HERC2: variants seen among roughly 807,000 people sequenced by gnomAD.
The protein encoded by HERC2 is HECT and RLD domain containing E3 ubiquitin protein ligase 2, also known as E3 ubiquitin-protein ligase HERC2.
A neutral mutation model predicts 537.7 loss-of-function variants in HERC2; 102 were observed. The observed-to-expected ratio is 0.19, with a 90% confidence interval of 0.16 to 0.22. The LOEUF (loss-of-function observed/expected upper bound fraction) is 0.22, where lower values mean the gene tolerates loss of function less well. Among genes scored for constraint, HERC2 ranks in the 10% least tolerant of loss-of-function variants. The pLI is 1.00. For synonymous variants in HERC2, 2,224 were observed against 2,466.2 expected, an observed-to-expected ratio of 0.90 and a Z score of 2.91; for missense variants, 4,236 against 6,198.2, an observed-to-expected ratio of 0.68 and a Z score of 10.63.
chr15:28,154,916 T>G, intron 69 of HERC2, among the ~76,000 whole-genome samples: 1 of 85,128 alleles, frequency 1.2e-5, no homozygotes, highest in Non-Finnish European at 2.1e-5. Context: ...CCCTCCCCCC[T>G]CCCCCCACCC....
At chr15:28,169,778 G>A (rs964677374) in intron 65 of HERC2, 123 bp from the exon 66 acceptor site, 2 of 838,952 alleles carry the variant, frequency 2.4e-6, no homozygotes, top group Non-Finnish European at 3.7e-6. Flanking sequence ...ATTTCACAAA[G>A]CACCTATCAG....
intron 57 of HERC2, among the ~76,000 whole-genome samples, chr15:28,179,667 G>A (rs947351346): frequency 1.3e-5 from 2 of 152,196 alleles, no homozygotes; most frequent in Non-Finnish European, 2.9e-5. Flanking sequence ...TGCTTCAGGA[G>A]GGATTCCAGA....
chr15:28,283,399 A>T (rs1425583356), intron 4 of HERC2, among the ~76,000 whole-genome samples: 1 of 152,244 alleles, frequency 6.6e-6, no homozygotes, highest in Non-Finnish European at 1.5e-5. Context: ...CTGAAAGTAC[A>T]AAATATTTTT....
chr15:28,295,200 G>C (rs1247482809), intron 3 of HERC2, among the ~76,000 whole-genome samples: 1 of 151,488 alleles, frequency 6.6e-6, no homozygotes, highest in Non-Finnish European at 1.5e-5. Flanking sequence ...AGTTTACCAA[G>C]GTAGACACCT....
intron 37 of HERC2, among the ~76,000 whole-genome samples, chr15:28,220,039 G>A (rs1339175332): frequency 2.0e-5 from 3 of 152,174 alleles, no homozygotes; most frequent in African/African-American, 4.8e-5. Context: ...CAGGTGGGGT[G>A]TGCTTGGGCA....
chr15:28,142,019 G>GA (rs1891275967), intron 76 of HERC2, among the ~76,000 whole-genome samples, 173 bp from the exon 77 acceptor site: 1 of 152,144 alleles, frequency 6.6e-6, no homozygotes. Context: ...TAACATATTA[G>GA]AAATGTCTAG....
intron 35 of HERC2, 124 bp from the exon 36 acceptor site, chr15:28,222,339 T>C (rs965773761): frequency 1.7e-6 from 1 of 578,952 alleles, no homozygotes; most frequent in African/African-American, 1.9e-5. Flanking sequence ...CTATATGTTT[T>C]ATCAATATAA....
chr15:28,148,179 C>G (rs1159626802), intron 70 of HERC2, among the ~76,000 whole-genome samples: 2 of 151,884 alleles, frequency 1.3e-5, no homozygotes, highest in African/African-American at 4.8e-5. Flanking sequence ...AAAAATGATA[C>G]AAGACATGAA....
intron 23 of HERC2, among the ~76,000 whole-genome samples, chr15:28,244,073 G>C (rs1309400073): frequency 6.6e-6 from 1 of 152,098 alleles, no homozygotes; most frequent in African/African-American, 2.4e-5. Context: ...GCAGGTGGAA[G>C]GATCTGCTTG....
chr15:28,213,832 A>C lies in HERC2; in HGVS notation c.6696T>G (p.Thr2232=), dbSNP rs527741176. Residue 2232 remains threonine (T), a synonymous_variant, in exon 42 of 93, where the codon ACT becomes ACG. Coordinates refer to ENST00000261609, the MANE Select transcript of HERC2 (RefSeq NM_004667.6). ...QVMHDEFGEG[T]VTRITPKGKI... ...TGCCCTTTGGGGTGATGCGAGTCAC[A>C]GTGCCTTCTCCAAACTCATCGTGCA... is the stretch of plus-strand genomic sequence containing the variant. 12 of 1,613,906 alleles carry C rather than the reference A, an allele frequency of 7.4e-6. No homozygotes were observed. The highest frequency in any genetic ancestry group is 7.6e-6 in the Non-Finnish European group (9 of 1,179,890).
At chr15:28,285,790 T>G (rs1325954635) in intron 4 of HERC2, among the ~76,000 whole-genome samples, 1 of 121,584 alleles carries the variant, frequency 8.2e-6, no homozygotes, top group Non-Finnish European at 1.6e-5. Flanking sequence ...CAAACCTCTC[T>G]AAGCATGACT....
intron 48 of HERC2, among the ~76,000 whole-genome samples, chr15:28,199,664 G>T (rs1897704702): frequency 6.6e-6 from 1 of 152,130 alleles, no homozygotes; most frequent in Admixed American, 6.5e-5. Context: ...AATTAATACA[G>T]AATGTCATCA....
In HERC2 at chr15:28,191,064, A is replaced by T. The variant is rs77013448; in HGVS notation, c.8558-8T>A. 1.2e-6 allele frequency: 2 copies of T among 1,604,744 alleles called. No homozygotes were observed. The highest frequency in any genetic ancestry group is 1.7e-6 in the Non-Finnish European group (2 of 1,171,588). ...TATTCAGGGAATTTCCACCTAGGAAAAAATGGGTAAAGAATCAAACAAAGG... is the reference window on the plus strand; with the variant it reads ...TATTCAGGGAATTTCCACCTAGGAATAAATGGGTAAAGAATCAAACAAAGG... On this transcript the variant is annotated splice_region_variant and splice_polypyrimidine_tract_variant and intron_variant, in intron 54 of 92. Transcript: ENST00000261609.
rs539454251 is a variant in HERC2, at chr15:28,250,620, G to A, written c.3051-1884C>T. ...CGATCTACTCTGAAATACGTTTCAC[G>A]GCTTATTTTTGGCAAGCAGCGATTT... On this transcript the variant is annotated intron_variant, in intron 20 of 92. Coordinates refer to ENST00000261609, the MANE Select transcript of HERC2 (RefSeq NM_004667.6). Among the ~76,000 whole-genome samples the A allele has an allele frequency of 3.9e-5, 6 of 152,204 alleles. No homozygotes were observed. The South Asian group carries it at 6.2e-4, about 16-fold the overall frequency.
intron 74 of HERC2, 60 bp from the exon 75 acceptor site, chr15:28,143,012 T>A: frequency 6.5e-7 from 1 of 1,549,854 alleles, no homozygotes; most frequent in Non-Finnish European, 8.8e-7. Context: ...AGGCTGACCA[T>A]TTGTTTCTAC....
intron 10 of HERC2, among the ~76,000 whole-genome samples, chr15:28,270,398 C>T (rs1398073943): frequency 6.6e-6 from 1 of 151,972 alleles, no homozygotes; most frequent in African/African-American, 2.4e-5. Flanking sequence ...GCTGTGGAAC[C>T]CCCTGCAGAA....
chr15:28,296,724 T>C (rs1204503205), intron 3 of HERC2, among the ~76,000 whole-genome samples: 10 of 148,786 alleles, frequency 6.7e-5, no homozygotes, highest in African/African-American at 2.5e-4. Context: ...CTGATTCCTG[T>C]CTTGGAAGAC....
intron 52 of HERC2, 39 bp from the exon 53 acceptor site, chr15:28,192,190 G>A (rs1452204515): frequency 6.6e-7 from 1 of 1,514,116 alleles, no homozygotes; most frequent in Non-Finnish European, 9.1e-7. Context: ...AACCCTTGCT[G>A]AACTGGGGAG....
intron 71 of HERC2, 135 bp from the exon 72 acceptor site, chr15:28,144,939 G>A (rs1029380665): frequency 1.5e-4 from 157 of 1,053,116 alleles, no homozygotes; most frequent in Non-Finnish European, 2.0e-4. Flanking sequence ...CTCCCAAGCC[G>A]AAGTGCACAG....
Sources: allele counts gnomAD v4.1 joint callset (sites outside exome capture counted in the v4.1 genomes callset), GRCh38; gene constraint gnomAD v4.1.1; transcripts MANE v1.5; gene names NCBI Gene and HGNC (gene_info 2026-07-23, HGNC 2026-07-21).